The following RCC1 variants were observed in gnomAD, a reference collection of about 807,000 sequenced individuals.
RCC1 encodes regulator of chromosome condensation.
A neutral mutation model predicts 44.4 loss-of-function variants in RCC1; 11 were observed. That is an observed-to-expected ratio of 0.25 (90% CI 0.16 to 0.41). The LOEUF is 0.41. RCC1 is among the 10% of genes least tolerant of loss of function. RCC1 has a pLI of 1.00. For synonymous variants in RCC1, 213 were observed against 216.5 expected (o/e 0.98, Z 0.14); for missense variants, 386 against 547.1 (o/e 0.71, Z 2.94).
At chr1:28,524,145 A>T (rs1467869992) in intron 4 of RCC1, among the ~76,000 whole-genome samples, 2 of 151,956 alleles carry the variant, frequency 1.3e-5, no homozygotes, top group Non-Finnish European at 2.9e-5. Context: ...CCACATCCCT[A>T]CCCCATCTAA....
Position 28,520,919 on chromosome 1 carries a change from A to T in RCC1, c.-10+4052A>T, listed in dbSNP as rs1288475476. Among the ~76,000 whole-genome samples the T allele has an allele frequency of 3.9e-5, 6 of 152,024 alleles. No homozygotes were observed. In the East Asian group the frequency reaches 7.8e-4, roughly 20 times the overall value. Reference sequence around the variant, plus strand: ...ATGGTGAAACCCCGTCTTTACTAAAAATACCAAGCAGTTAGCCAGGCGTGG... The same window carrying T: ...ATGGTGAAACCCCGTCTTTACTAAATATACCAAGCAGTTAGCCAGGCGTGG... On this transcript the variant is annotated intron_variant, in intron 4 of 12. Coordinates refer to ENST00000683442, the MANE Select transcript of RCC1 (RefSeq NM_001381865.2).
At chr1:28,512,170 G>A (rs1662596783) in intron 3 of RCC1, among the ~76,000 whole-genome samples, 1 of 95,646 alleles carries the variant, frequency 1.0e-5, no homozygotes, top group Non-Finnish European at 2.1e-5. Context: ...AGTAGAGACA[G>A]GGTTTCGCCA....
rs552308400 is a variant in RCC1, at chr1:28,530,497, G to C, written c.73+558G>C. ...ACTGGGAGGGGAAGTGTGGACCCAC[G>C]CTCAGACAGTGTCTGTCTTTTGCAG... On this transcript the variant is annotated intron_variant, in intron 5 of 12. Coordinates refer to ENST00000683442, the MANE Select transcript of RCC1 (RefSeq NM_001381865.2). 5.0e-6 allele frequency: 8 copies of C among 1,585,332 alleles called. No homozygotes were observed. In the Admixed American group the frequency reaches 1.4e-4, roughly 27 times the overall value.
At position 28,507,538 on chromosome 1, in the gene RCC1, A is replaced by G. The variant is rs555060174; in HGVS notation, c.-261-590A>G. On this transcript the variant is annotated intron_variant, in intron 1 of 12. Coordinates refer to ENST00000683442, the MANE Select transcript of RCC1 (RefSeq NM_001381865.2). ...ACAGCTTCCCAGAGTCCTGTCGACA[A>G]TTACTGGGGAGACAAACCATGCAGG... The G allele has an allele frequency of 8.1e-4, 421 of 518,332 alleles. 5 individuals are homozygous for G. The highest frequency in any genetic ancestry group is 5.7e-3 in the South Asian group (407 of 71,544). 32.1% of individuals were successfully genotyped at this position (518,332 alleles called of 1,614,324 possible).
intron 7 of RCC1, among the ~76,000 whole-genome samples, chr1:28,534,058 A>C (rs1664386195): frequency 6.7e-6 from 1 of 149,192 alleles, no homozygotes. Context: ...TTGTATTTTT[A>C]GTAGAGACGG....
intron 9 of RCC1, 191 bp from the exon 10 acceptor site, chr1:28,535,680 C>G (rs769991037): frequency 1.9e-5 from 15 of 770,262 alleles, no homozygotes; most frequent in Admixed American, 1.0e-4. Flanking sequence ...AAATGATACC[C>G]GTAATGACTG....
At chr1:28,534,178 CTT>C (rs1328080240) in intron 7 of RCC1, among the ~76,000 whole-genome samples, 2 of 151,612 alleles carry the variant, frequency 1.3e-5, no homozygotes, top group South Asian at 4.2e-4. Flanking sequence ...CGTCTGGCCT[CTT>C]TTCTTTTTTC....
intron 3 of RCC1, among the ~76,000 whole-genome samples, chr1:28,512,783 T>C (rs1445515954): frequency 6.6e-6 from 1 of 152,112 alleles, no homozygotes; most frequent in Non-Finnish European, 1.5e-5. Context: ...GTTGTATTAG[T>C]GTTGTTCAAA....
intron 4 of RCC1, among the ~76,000 whole-genome samples, chr1:28,526,120 A>G (rs1663643534): frequency 6.6e-6 from 1 of 152,050 alleles, no homozygotes; most frequent in African/African-American, 2.4e-5. Flanking sequence ...CCCTGTCTCT[A>G]CAAAATATAT....
At chr1:28,531,344 G>T (rs1032228098) in intron 5 of RCC1, among the ~76,000 whole-genome samples, 2 of 132,540 alleles carry the variant, frequency 1.5e-5, no homozygotes, top group Non-Finnish European at 1.5e-5. Flanking sequence ...TTGGCTCACT[G>T]CCACCTCCGC....
At chr1:28,521,265 G>A (rs1343143243) in intron 4 of RCC1, among the ~76,000 whole-genome samples, 1 of 151,844 alleles carries the variant, frequency 6.6e-6, no homozygotes, top group Non-Finnish European at 1.5e-5. Context: ...ACTTTGGGAG[G>A]CCGAGGTGGG....
In RCC1 at chr1:28,531,816, C is replaced by T; in HGVS notation, c.87C>T (p.Ser29=). 1 of 1,548,932 alleles carries T rather than the reference C, an allele frequency of 6.5e-7. No homozygotes were observed. The highest frequency in any genetic ancestry group is 8.7e-7 in the Non-Finnish European group (1 of 1,152,708). The stretch of plus-strand genomic sequence containing the variant: ...TTCACCCTTCAGTCTCACACAGGTC[C>T]CACAGCACAGAACCCGGCTTGGTGC... The part of the protein sequence containing the change: ...KSKKVKVSHR[S]HSTEPGLVLT... Residue 29 remains serine, a synonymous_variant, in exon 6 of 13, where the codon TCC becomes TCT. Transcript: ENST00000683442.
chr1:28,535,432 G>A (rs563401610), intron 9 of RCC1, 52 bp downstream of exon 9: 7 of 1,607,620 alleles, frequency 4.4e-6, no homozygotes, highest in Non-Finnish European at 5.9e-6. Flanking sequence ...CACCCCCACA[G>A]TGAAGGCCAA....
intron 4 of RCC1, chr1:28,526,837 C>G (rs1663696389): frequency 5.0e-6 from 3 of 601,254 alleles, no homozygotes. Context: ...GGGGAGGTTG[C>G]AGTGAGCCGA....
rs1169377954 is a variant in RCC1 at position 28,514,385 on chromosome 1, G to C, written c.-152-2340G>C. On this transcript the variant is annotated intron_variant, in intron 3 of 12. Transcript: ENST00000683442. ...GAATGGCATGAACCCAGGAGGTGGA[G>C]CTTGCAGTGAGCCAAGATCGCGCCA... Among the ~76,000 whole-genome samples the C allele has an allele frequency of 1.3e-4, 20 of 151,538 alleles. No individual in the cohort carries two copies. In the East Asian group the frequency reaches 3.9e-3, roughly 29 times the overall value.
intron 4 of RCC1, among the ~76,000 whole-genome samples, chr1:28,520,840 G>A (rs1663223028): frequency 2.0e-5 from 3 of 152,170 alleles, no homozygotes; most frequent in South Asian, 4.1e-4. Flanking sequence ...CAATTTGGGA[G>A]GCCAAGGTGG....
chr1:28,508,088 G>C (rs1216479115), intron 1 of RCC1, 40 bp from the exon 2 acceptor site: 2 of 428,390 alleles, frequency 4.7e-6, no homozygotes, highest in Non-Finnish European at 9.6e-6. Context: ...AAAAAGTTTA[G>C]GGTTTTGCTG....
intron 4 of RCC1, among the ~76,000 whole-genome samples, chr1:28,522,548 C>T (rs1663351667): frequency 6.6e-6 from 1 of 151,886 alleles, no homozygotes; most frequent in African/African-American, 2.4e-5. Context: ...TACCTCACGC[C>T]TATAATCCCA....
At chr1:28,512,628 A>C (rs2124610489) in intron 3 of RCC1, among the ~76,000 whole-genome samples, 1 of 152,186 alleles carries the variant, frequency 6.6e-6, no homozygotes, top group East Asian at 1.9e-4. Flanking sequence ...TAATGTAGGC[A>C]TTTAGTGCTA....
Sources: allele counts gnomAD v4.1 joint callset (sites outside exome capture counted in the v4.1 genomes callset), GRCh38; gene constraint gnomAD v4.1.1; transcripts MANE v1.5; gene names NCBI Gene and HGNC (gene_info 2026-07-23, HGNC 2026-07-21).